DENND5B: variants seen among roughly 807,000 people sequenced by gnomAD.
DENND5B encodes the protein DENN domain-containing protein 5B.
Under a neutral mutation model 140.6 loss-of-function variants are expected in DENND5B, and 34 were observed. That is an observed-to-expected ratio of 0.24 (90% CI 0.18 to 0.32). The LOEUF is 0.32. Among genes scored for constraint, DENND5B ranks in the 10% least tolerant of loss-of-function variants. The pLI, the probability that DENND5B is intolerant of heterozygous loss-of-function variation, is 1.00. For missense variants in DENND5B, 1,142 were observed against 1,560.2 expected, an observed-to-expected ratio of 0.73 and a Z score of 4.52; for synonymous variants, 551 against 562.1, an observed-to-expected ratio of 0.98 and a Z score of 0.28.
At chr12:31,453,084 C>A (rs1463653999) in intron 4 of DENND5B, among the ~76,000 whole-genome samples, 1 of 152,132 alleles carries the variant, frequency 6.6e-6, no homozygotes, top group Non-Finnish European at 1.5e-5. Flanking sequence ...ATGAAACTGG[C>A]AAAATCAATC....
chr12:31,487,319 G>A (rs1946346152), intron 2 of DENND5B, among the ~76,000 whole-genome samples: 1 of 152,132 alleles, frequency 6.6e-6, no homozygotes, highest in African/African-American at 2.4e-5. Flanking sequence ...AAAGGCTATG[G>A]CAGAATCTTT....
rs71062425 is a variant in DENND5B at position 31,404,759 on chromosome 12, C to CTTTTTTTTTTTTTTTTTTTTTTTTTTT, written c.2804-2117_2804-2116insAAAAAAAAAAAAAAAAAAAAAAAAAAA. ...ATAAGCCACCGCGTCCGACCTCTAG[C>CTTTTTTTTTTTTTTTTTTTTTTTTTTT]TTTTTTTTTTTTTTTTTGAGACAGA... On this transcript the variant is annotated intron_variant, in intron 14 of 20. Transcript: ENST00000389082. 4.1e-5 allele frequency among the ~76,000 whole-genome samples: 3 copies of CTTTTTTTTTTTTTTTTTTTTTTTTTTT among 74,064 alleles called. 1 individual carries two copies. 48.6% of individuals were successfully genotyped at this position (74,064 alleles called of 152,430 possible). A position where few individuals can be genotyped will look rare whatever the true frequency, so the allele number is the denominator to read the frequency against.
At chr12:31,584,054 T>C (rs1439877027) in intron 1 of DENND5B, among the ~76,000 whole-genome samples, 1 of 152,234 alleles carries the variant, frequency 6.6e-6, no homozygotes, top group Non-Finnish European at 1.5e-5. Context: ...ATGGAAATCA[T>C]GACTAACAAT....
intron 7 of DENND5B, among the ~76,000 whole-genome samples, chr12:31,437,499 G>T (rs1482258465): frequency 6.6e-6 from 1 of 152,168 alleles, no homozygotes; most frequent in African/African-American, 2.4e-5. Flanking sequence ...TAGGTTTACA[G>T]ATGTTCATCA....
At chr12:31,392,768 GTGT>G (rs1459392991) in intron 17 of DENND5B, 72 bp from the exon 18 acceptor site, 5 of 1,356,774 alleles carry the variant, frequency 3.7e-6, no homozygotes, top group Non-Finnish European at 5.1e-6. Context: ...GACATCAACT[GTGT>G]CCACCTAGGC....
intron 1 of DENND5B, among the ~76,000 whole-genome samples, chr12:31,529,733 ATTT>A (rs905577877): frequency 6.6e-6 from 1 of 151,214 alleles, no homozygotes; most frequent in Non-Finnish European, 1.5e-5. Context: ...TTTAAAAATA[ATTT>A]TTTTTAAAAA....
intron 7 of DENND5B, among the ~76,000 whole-genome samples, chr12:31,436,939 T>C (rs1161377782): frequency 6.6e-6 from 1 of 152,148 alleles, no homozygotes; most frequent in East Asian, 1.9e-4. Flanking sequence ...ACCTTTCAGA[T>C]AGATTAGAGG....
intron 3 of DENND5B, among the ~76,000 whole-genome samples, chr12:31,472,772 A>C (rs1853470321): frequency 6.6e-6 from 1 of 152,152 alleles, no homozygotes; most frequent in Non-Finnish European, 1.5e-5. Context: ...GCTTGGGGAT[A>C]TATAGTAAGG....
intron 3 of DENND5B, among the ~76,000 whole-genome samples, chr12:31,473,890 T>C (rs1945670478): frequency 6.6e-6 from 1 of 152,208 alleles, no homozygotes; most frequent in Non-Finnish European, 1.5e-5. Flanking sequence ...TCTTTTTCCC[T>C]TGGACTGACT....
At chr12:31,532,710 T>TA (rs946257689) in intron 1 of DENND5B, among the ~76,000 whole-genome samples, 1 of 152,122 alleles carries the variant, frequency 6.6e-6, no homozygotes, top group Non-Finnish European at 1.5e-5. Context: ...TTGGGAAAAA[T>TA]AAAGTATTCA....
At chr12:31,431,044 T>A (rs941560996) in intron 8 of DENND5B, among the ~76,000 whole-genome samples, 1 of 152,178 alleles carries the variant, frequency 6.6e-6, no homozygotes, top group African/African-American at 2.4e-5. Context: ...ATGAAAAATA[T>A]AGGAGAGAGA....
chr12:31,438,494 A>T (rs1943880160), intron 7 of DENND5B, among the ~76,000 whole-genome samples: 1 of 152,198 alleles, frequency 6.6e-6, no homozygotes, highest in South Asian at 2.1e-4. Flanking sequence ...CTAGTTACAG[A>T]TCTTTGAAGT....
intron 3 of DENND5B, among the ~76,000 whole-genome samples, chr12:31,472,850 A>G (rs78112761): frequency 0.026 from 3,930 of 152,280 alleles, 73 homozygotes; most frequent in Non-Finnish European, 0.042. Flanking sequence ...AACCTAATGC[A>G]CAGGAGTGGG....
intron 1 of DENND5B, among the ~76,000 whole-genome samples, chr12:31,518,794 A>C (rs892093362): frequency 1.3e-5 from 2 of 151,972 alleles, no homozygotes; most frequent in East Asian, 1.9e-4. Context: ...TCATCTTGGT[A>C]AACAAGAAAA....
At chr12:31,411,392 T>C (rs1263869491) in intron 13 of DENND5B, among the ~76,000 whole-genome samples, 1 of 136,992 alleles carries the variant, frequency 7.3e-6, no homozygotes, top group African/African-American at 2.7e-5. Flanking sequence ...CCAGGCTGGA[T>C]GGAGTGCAGT....
intron 1 of DENND5B, among the ~76,000 whole-genome samples, chr12:31,518,703 C>T (rs1380668355): frequency 6.6e-6 from 1 of 152,090 alleles, no homozygotes; most frequent in African/African-American, 2.4e-5. Flanking sequence ...TCCACACTCA[C>T]TGCATCATAC....
chr12:31,515,388 T>A (rs1947594765), intron 1 of DENND5B, among the ~76,000 whole-genome samples: 1 of 152,184 alleles, frequency 6.6e-6, no homozygotes, highest in Admixed American at 6.5e-5. Context: ...ATTATTATTG[T>A]AACAGTATTG....
At chr12:31,399,835 C>T in intron 15 of DENND5B, 63 bp from the exon 16 acceptor site, 1 of 1,319,204 alleles carries the variant, frequency 7.6e-7, no homozygotes, top group East Asian at 2.4e-5. Context: ...CTCAGCTTTA[C>T]AGGTACTTTG....
At chr12:31,568,772 T>G (rs902799262) in intron 1 of DENND5B, among the ~76,000 whole-genome samples, 1 of 152,146 alleles carries the variant, frequency 6.6e-6, no homozygotes, top group African/African-American at 2.4e-5. Context: ...CCTTTTAAAT[T>G]TTGTGAACCA....
Sources: gnomAD v4.1 joint callset for allele counts (sites outside exome capture counted in the v4.1 genomes callset) on GRCh38, gnomAD v4.1.1 for gene constraint, MANE v1.5 for transcripts, NCBI Gene and HGNC (gene_info 2026-07-23, HGNC 2026-07-21) for gene names.